EGFL6: variants seen among roughly 807,000 people sequenced by gnomAD.
EGFL6 encodes the protein epidermal growth factor-like protein 6.
A neutral mutation model predicts 43.1 loss-of-function variants in EGFL6; 42 were observed. The ratio of observed to expected loss-of-function variants is 0.98; its 90% confidence interval spans 0.76 to 1.26. EGFL6 has a LOEUF of 1.26. Among genes scored for constraint, EGFL6 ranks in the 50% most tolerant of loss-of-function variants. The probability of loss-of-function intolerance (pLI) is 0.00; values close to 1 mark genes in which losing one functional copy is unlikely to be tolerated. For missense variants in EGFL6, 429 were observed against 427.8 expected (o/e 1.00, Z -0.02); for synonymous variants, 164 against 163.2 (o/e 1.01, Z -0.04).
At chrX:13,583,613 T>C (rs978792390) in intron 1 of EGFL6, among the ~76,000 whole-genome samples, 1 of 112,097 alleles carries the variant, frequency 8.9e-6, no homozygotes, top group African/African-American at 3.2e-5. Context: ...TTCTTGGCCT[T>C]AGTTTCTTCA....
At position 13,633,339 on chromosome X, in the gene EGFL6, T is replaced by C; in HGVS notation, c.*244T>C. 1 of 287,991 alleles carries C rather than the reference T, an allele frequency of 3.5e-6. No individual in the cohort carries two copies. The highest frequency in any genetic ancestry group is 6.0e-6 in the Non-Finnish European group (1 of 167,471). 23.7% of individuals were successfully genotyped at this position (287,991 alleles called of 1,213,427 possible). A position where few individuals can be genotyped will look rare whatever the true frequency, so the allele number is the denominator to read the frequency against. ...ATATTATAAAATATGGAAATGTCAG[T>C]TTATCTCCCCTCCTCAGTATATCTG... On this transcript the variant is annotated 3_prime_UTR_variant, in exon 12 of 12. Coordinates refer to ENST00000361306, the MANE Select transcript of EGFL6 (RefSeq NM_015507.4).
chrX:13,587,162 A>G (rs910334258), intron 1 of EGFL6, among the ~76,000 whole-genome samples: 19 of 112,437 alleles, frequency 1.7e-4, no homozygotes, highest in Non-Finnish European at 3.6e-4. Flanking sequence ...TGATGAGTGC[A>G]TAACATAGTG....
At chrX:13,590,116 T>A (rs2045555550) in intron 2 of EGFL6, among the ~76,000 whole-genome samples, 1 of 112,906 alleles carries the variant, frequency 8.9e-6, no homozygotes, top group African/African-American at 3.2e-5. Context: ...CTCACATTTT[T>A]AAAATTCATA....
In EGFL6 at chrX:13,617,891, C is replaced by G. The variant is rs200948224; in HGVS notation, c.940C>G (p.Gln314Glu). Residue 314 changes from glutamine (Q) to glutamate (E), a missense_variant, in exon 8 of 12, where the codon CAG becomes GAG. Gln to Glu is a conservative substitution (Grantham distance 29, BLOSUM62 2). Transcript: ENST00000361306. ...TRTPTPKVNL[Q>E]PFNYEEIVSR... ...GACTCCTACCCCTAAGGTGAACTTGCAGCCCTTCAACTATGAAGAGATAGT... is the reference window on the plus strand; with the variant it reads ...GACTCCTACCCCTAAGGTGAACTTGGAGCCCTTCAACTATGAAGAGATAGT... The G allele has an allele frequency of 8.3e-7, 1 of 1,209,199 alleles. No individual in the cohort carries two copies. The highest frequency in any genetic ancestry group is 1.1e-6 in the Non-Finnish European group (1 of 895,122).
chrX:13,616,914 C>T (rs2045721670), intron 7 of EGFL6, among the ~76,000 whole-genome samples: 1 of 100,576 alleles, frequency 9.9e-6, no homozygotes, highest in African/African-American at 3.8e-5. Flanking sequence ...CCAGGCCGGA[C>T]TGCGGACTGC....
intron 2 of EGFL6, among the ~76,000 whole-genome samples, chrX:13,593,947 A>T (rs953861263): frequency 9.0e-6 from 1 of 111,441 alleles, no homozygotes; most frequent in Admixed American, 9.5e-5. Context: ...ATTCCTGGGC[A>T]ATTGCTGAGT....
chrX:13,628,611 C>T (rs779670357), intron 11 of EGFL6, among the ~76,000 whole-genome samples: 4 of 110,769 alleles, frequency 3.6e-5, no homozygotes, highest in Non-Finnish European at 7.6e-5. Context: ...GTTGGGAGTT[C>T]AAGACCAGCC....
Position 13,569,890 on chromosome X carries a change from C to G in EGFL6, c.29C>G (p.Pro10Arg). MPLPWSLALPLLLSWVAGGF... is the reference protein window; with the variant it reads MPLPWSLALRLLLSWVAGGF... Reference sequence around the variant, plus strand: ...CCTCTGCCCTGGAGCCTTGCGCTCCCGCTGCTGCTCTCCTGGGTGGCAGGT... The same window carrying G: ...CCTCTGCCCTGGAGCCTTGCGCTCCGGCTGCTGCTCTCCTGGGTGGCAGGT... Residue 10 changes from proline (P) to arginine (R), a missense_variant, in exon 1 of 12, where the codon CCG becomes CGG. By Grantham distance (103) the Pro-to-Arg change is moderately radical (BLOSUM62 -2). Transcript: ENST00000361306. 2 of 1,212,167 alleles carry G rather than the reference C, an allele frequency of 1.6e-6. No individual in the cohort carries two copies. The highest frequency in any genetic ancestry group is 1.1e-6 in the Non-Finnish European group (1 of 895,474).
At chrX:13,601,061 A>G (rs1277560699) in intron 4 of EGFL6, among the ~76,000 whole-genome samples, 2 of 111,329 alleles carry the variant, frequency 1.8e-5, no homozygotes, top group African/African-American at 6.6e-5. Flanking sequence ...AAGGCAAACT[A>G]GGAGAAAAAT....
intron 7 of EGFL6, among the ~76,000 whole-genome samples, chrX:13,613,128 G>A (rs377349255): frequency 1.0e-5 from 1 of 98,121 alleles, no homozygotes; most frequent in Non-Finnish European, 2.0e-5. Context: ...CTGGGCGACC[G>A]AGCGAGACTT....
chrX:13,570,429 T>A (rs1390920760), intron 1 of EGFL6, among the ~76,000 whole-genome samples: 1 of 111,648 alleles, frequency 9.0e-6, no homozygotes, highest in Non-Finnish European at 1.9e-5. Flanking sequence ...TTTACTGTTC[T>A]TGAGCTGAGC....
intron 6 of EGFL6, among the ~76,000 whole-genome samples, chrX:13,607,454 C>T (rs2045667020): frequency 9.0e-6 from 1 of 111,537 alleles, no homozygotes; most frequent in South Asian, 3.8e-4. Flanking sequence ...CTCTACAACT[C>T]TTCCCTCAAA....
rs1376908510 is a variant in EGFL6, at chrX:13,608,438, G to A, written c.770G>A (p.Arg257Gln). 1.6e-5 allele frequency: 19 copies of A among 1,210,356 alleles called. No individual in the cohort carries two copies. Among genetic ancestry groups the A allele is most frequent in the East Asian group, 5.9e-5 (2 of 33,850 alleles). ...CKQGYKGNGL[R>Q]CSAIPENSVK... The stretch of plus-strand genomic sequence containing the variant: ...CAGGGATATAAAGGCAATGGACTTC[G>A]GTGTTCTGGTAAGTAGCATTTGGTC... The change falls in exon 7 of 12, where the codon CGG becomes CAG. Residue 257 changes from arginine (R) to glutamine (Q), a missense_variant. By Grantham distance (43) the Arg-to-Gln change is conservative (BLOSUM62 1). Coordinates refer to ENST00000361306, the MANE Select transcript of EGFL6 (RefSeq NM_015507.4).
At chrX:13,594,646 G>A (rs954097770) in intron 2 of EGFL6, among the ~76,000 whole-genome samples, 190 bp from the exon 3 acceptor site, 1 of 111,239 alleles carries the variant, frequency 9.0e-6, no homozygotes, top group African/African-American at 3.3e-5. Flanking sequence ...GGCTGACTGT[G>A]GTCTGGAAGG....
At chrX:13,578,898 C>T (rs1437087373) in intron 1 of EGFL6, among the ~76,000 whole-genome samples, 2 of 110,840 alleles carry the variant, frequency 1.8e-5, no homozygotes, top group Non-Finnish European at 3.8e-5. Context: ...ACGTTGTGCA[C>T]ATGTACCCTA....
rs1477669169 is a variant in EGFL6, at chrX:13,619,092, A to C, written c.1103-71A>C. ...ATGATCTAACCTTCTTTGTTTGGTCATTTGATTGATACCTTCTGAGCATGT... is the reference window on the plus strand; with the variant it reads ...ATGATCTAACCTTCTTTGTTTGGTCCTTTGATTGATACCTTCTGAGCATGT... On this transcript the variant is annotated intron_variant, in intron 8 of 11. Coordinates refer to ENST00000361306, the MANE Select transcript of EGFL6 (RefSeq NM_015507.4). The C allele has an allele frequency of 4.8e-6, 4 of 827,817 alleles. No homozygotes were observed. The African/African-American group carries it at 8.1e-5, about 17-fold the overall frequency. The allele number at this position is 827,817 out of a possible 1,213,427, so 68.2% of individuals were successfully genotyped here.
intron 1 of EGFL6, 60 bp from the exon 2 acceptor site, chrX:13,589,496 G>A (rs1038124063): frequency 3.4e-5 from 33 of 978,154 alleles, no homozygotes; most frequent in Non-Finnish European, 4.5e-5. Flanking sequence ...TAGTAGTAGG[G>A]AAGAGTTTCT....
At position 13,585,249 on chromosome X, in the gene EGFL6, T is replaced by C. The variant is rs149316871; in HGVS notation, c.75-4307T>C. Among the ~76,000 whole-genome samples the C allele has an allele frequency of 6.1e-3, 679 of 112,090 alleles. 1 individual carries two copies. Among genetic ancestry groups the C allele is most frequent in the Non-Finnish European group, 9.6e-3 (512 of 53,210 alleles). On this transcript the variant is annotated intron_variant, in intron 1 of 11. Transcript: ENST00000361306. ...CCTCAAGCACAAGCATGGTGTCTTT[T>C]ACCTCTTAGTCTGCACTCATTCTAT...
chrX:13,594,018 C>T (rs965521148), intron 2 of EGFL6, among the ~76,000 whole-genome samples: 1 of 111,123 alleles, frequency 9.0e-6, no homozygotes, highest in Non-Finnish European at 1.9e-5. Flanking sequence ...TGCTGAGAGT[C>T]CTTGATACCC....
Sources: allele counts gnomAD v4.1 joint callset (sites outside exome capture counted in the v4.1 genomes callset), GRCh38; gene constraint gnomAD v4.1.1; transcripts MANE v1.5; gene names NCBI Gene and HGNC (gene_info 2026-07-23, HGNC 2026-07-21).